PALM2AKAP2: variants seen among roughly 807,000 people sequenced by gnomAD.
The protein encoded by PALM2AKAP2 is PALM2 and AKAP2 fusion.
PALM2AKAP2 carries 37 observed loss-of-function variants against 71.5 expected under a neutral mutation model. The observed-to-expected ratio is 0.52, with a 90% CI of 0.40 to 0.68. The LOEUF (loss-of-function observed/expected upper bound fraction) is 0.68, where lower values mean the gene tolerates loss of function less well. Among genes scored for constraint, PALM2AKAP2 ranks in the 30% least tolerant of loss-of-function variants. The probability of loss-of-function intolerance (pLI) is 0.00; values close to 1 mark genes in which losing one functional copy is unlikely to be tolerated. For missense variants in PALM2AKAP2, 1,224 were observed against 1,191.8 expected (o/e 1.03, Z -0.40); for synonymous variants, 468 against 478.8 (o/e 0.98, Z 0.29).
At chr9:109,857,835 C>A (rs1289493252) in intron 1 of PALM2AKAP2, among the ~76,000 whole-genome samples, 1 of 152,166 alleles carries the variant, frequency 6.6e-6, no homozygotes, top group East Asian at 1.9e-4. Context: ...CGGGGCAATT[C>A]TTACTATAAT....
At chr9:110,065,953 T>G (rs1834070552) in intron 1 of PALM2AKAP2, among the ~76,000 whole-genome samples, 1 of 152,250 alleles carries the variant, frequency 6.6e-6, no homozygotes, top group Non-Finnish European at 1.5e-5. Flanking sequence ...ATCCATTCAT[T>G]CATTCGATAC....
chr9:109,957,411 G>T (rs1831768191), intron 6 of PALM2AKAP2, among the ~76,000 whole-genome samples: 1 of 152,200 alleles, frequency 6.6e-6, no homozygotes, highest in Admixed American at 6.5e-5. Context: ...CTCCCGCACA[G>T]AAGACTTCTT....
chr9:109,646,163 C>T (rs1827150565), intron 1 of PALM2AKAP2, among the ~76,000 whole-genome samples: 1 of 152,172 alleles, frequency 6.6e-6, no homozygotes, highest in African/African-American at 2.4e-5. Flanking sequence ...GTGTCATGTT[C>T]TGTACCATGT....
intron 3 of PALM2AKAP2, among the ~76,000 whole-genome samples, chr9:109,915,143 C>G (rs1830655382): frequency 6.6e-6 from 1 of 152,184 alleles, no homozygotes; most frequent in African/African-American, 2.4e-5. Flanking sequence ...TCTGCCCTTT[C>G]AAGGGATGGA....
chr9:109,826,628 A>T (rs1186724051), intron 1 of PALM2AKAP2, among the ~76,000 whole-genome samples: 1 of 152,208 alleles, frequency 6.6e-6, no homozygotes, highest in Non-Finnish European at 1.5e-5. Context: ...GCCTTGCAAA[A>T]GGGAGATAGG....
intron 1 of PALM2AKAP2, among the ~76,000 whole-genome samples, chr9:110,050,592 C>A (rs971561863): frequency 4.6e-5 from 7 of 151,974 alleles, no homozygotes; most frequent in Non-Finnish European, 1.0e-4. Context: ...CCAGTTTTGA[C>A]CCTTGGCCCT....
intron 1 of PALM2AKAP2, among the ~76,000 whole-genome samples, chr9:109,810,610 G>A: frequency 6.6e-6 from 1 of 152,180 alleles, no homozygotes; most frequent in East Asian, 1.9e-4. Context: ...GGCAGCAGGA[G>A]TGTTGACTCC....
chr9:109,820,009 G>A (rs1007985245), intron 1 of PALM2AKAP2, among the ~76,000 whole-genome samples: 1 of 152,142 alleles, frequency 6.6e-6, no homozygotes, highest in Admixed American at 6.5e-5. Context: ...GGAATATGAT[G>A]CAGCAGTTAC....
chr9:109,782,744 TTGTGTGTGTGTGTGTGTGTG>T, intron 1 of PALM2AKAP2, among the ~76,000 whole-genome samples: 1 of 144,306 alleles, frequency 6.9e-6, no homozygotes, highest in South Asian at 2.2e-4. Flanking sequence ...GTGTGTTTGT[TTGTGTGTGTGTGTGTGTGTG>T]TGTGTGTGTG....
At chr9:109,827,343 C>T (rs931731174) in intron 1 of PALM2AKAP2, among the ~76,000 whole-genome samples, 10 of 152,136 alleles carry the variant, frequency 6.6e-5, no homozygotes. Flanking sequence ...TGGCCAGACG[C>T]GGTGGCTCAT....
At chr9:109,805,201 T>G (rs906443779) in intron 1 of PALM2AKAP2, among the ~76,000 whole-genome samples, 1 of 152,178 alleles carries the variant, frequency 6.6e-6, no homozygotes, top group Non-Finnish European at 1.5e-5. Flanking sequence ...TCAGAGAACC[T>G]CCTCCTGCAG....
chr9:110,137,274 C>T (rs1175732595), exon 2 of PALM2AKAP2: 4 of 1,614,130 alleles, frequency 2.5e-6, no homozygotes, highest in East Asian at 2.2e-5. Context: ...GGCCAGAGTA[C>T]ACCCAGGCTG....
chr9:110,003,743 T>G (rs1259624114), intron 6 of PALM2AKAP2, among the ~76,000 whole-genome samples: 1 of 152,248 alleles, frequency 6.6e-6, no homozygotes, highest in East Asian at 1.9e-4. Context: ...TTTAGGATAG[T>G]TAGCTCTTCT....
intron 3 of PALM2AKAP2, among the ~76,000 whole-genome samples, chr9:109,920,530 C>T (rs962814411): frequency 1.3e-5 from 2 of 151,914 alleles, no homozygotes; most frequent in Non-Finnish European, 2.9e-5. Context: ...CAGGTGTGCA[C>T]CACCATGCCC....
At chr9:110,061,724 A>C (rs1262392790) in intron 1 of PALM2AKAP2, among the ~76,000 whole-genome samples, 1 of 150,346 alleles carries the variant, frequency 6.7e-6, no homozygotes, top group Non-Finnish European at 1.5e-5. Context: ...TTTTTAGTAT[A>C]GATGGGGTTT....
chr9:110,141,649 A>T (rs1367431632), intron 2 of PALM2AKAP2, among the ~76,000 whole-genome samples: 4 of 152,228 alleles, frequency 2.6e-5, no homozygotes, highest in Non-Finnish European at 5.9e-5. Flanking sequence ...GGTTTTGTGA[A>T]TGGAGGTGTT....
chr9:110,088,703 GTT>G (rs71373964), intron 1 of PALM2AKAP2, among the ~76,000 whole-genome samples: 95 of 75,580 alleles, frequency 1.3e-3, no homozygotes, highest in East Asian at 3.4e-3. Context: ...GCATTTACGT[GTT>G]TTTTTTTTTT....
intron 1 of PALM2AKAP2, among the ~76,000 whole-genome samples, chr9:109,832,148 G>T (rs1435388383): frequency 6.6e-6 from 1 of 152,202 alleles, no homozygotes; most frequent in African/African-American, 2.4e-5. Flanking sequence ...TCAAGCTTCT[G>T]ATCCTCTCAA....
intron 1 of PALM2AKAP2, among the ~76,000 whole-genome samples, chr9:109,735,670 C>T (rs567142398): frequency 5.3e-5 from 8 of 152,078 alleles, no homozygotes; most frequent in East Asian, 1.9e-4. Context: ...TATAAAGGAG[C>T]TTTATGTGCC....
Sources: allele counts gnomAD v4.1 joint callset (sites outside exome capture counted in the v4.1 genomes callset), GRCh38; gene constraint gnomAD v4.1.1; transcripts MANE v1.5; gene names NCBI Gene and HGNC (gene_info 2026-07-23, HGNC 2026-07-21).